PUS7: variants seen among roughly 807,000 people sequenced by gnomAD.
The protein encoded by PUS7 is pseudouridine synthase 7.
A neutral mutation model predicts 79.8 loss-of-function variants in PUS7; 48 were observed. The observed-to-expected ratio is 0.60, with a 90% CI of 0.48 to 0.76. The LOEUF is 0.76. Among genes scored for constraint, PUS7 ranks in the 30% least tolerant of loss-of-function variants. The pLI, the probability that PUS7 is intolerant of heterozygous loss-of-function variation, is 0.00. For missense variants in PUS7, 729 were observed against 797.6 expected (o/e 0.91, Z 1.04); for synonymous variants, 286 against 272.2 (o/e 1.05, Z -0.50).
At chr7:105,470,109 C>T (rs548010237) in intron 11 of PUS7, among the ~76,000 whole-genome samples, 16 of 152,298 alleles carry the variant, frequency 1.1e-4, no homozygotes, top group Non-Finnish European at 1.8e-4. Flanking sequence ...ATTGAACTGA[C>T]AACTAATTCC....
At chr7:105,475,792 C>G (rs818465) in intron 9 of PUS7, among the ~76,000 whole-genome samples, 56,841 of 151,880 alleles carry the variant, frequency 0.37, 12,075 homozygotes, top group African/African-American at 0.59. Flanking sequence ...TCTACCTCCA[C>G]AACTTTTTAA....
At chr7:105,480,950 C>T in intron 9 of PUS7, 102 bp downstream of exon 9, 1 of 1,344,366 alleles carries the variant, frequency 7.4e-7, no homozygotes, top group Non-Finnish European at 1.0e-6. Context: ...TTCATTTGCC[C>T]CAGACATGGG....
chr7:105,475,950 CTTTT>C (rs1159718282), intron 9 of PUS7, among the ~76,000 whole-genome samples: 1 of 151,948 alleles, frequency 6.6e-6, no homozygotes. Context: ...CATATTTGTT[CTTTT>C]GTTACTGGCT....
At chr7:105,506,366 T>C (rs1052653988) in intron 2 of PUS7, 93 bp from the exon 3 acceptor site, 23 of 857,814 alleles carry the variant, frequency 2.7e-5, no homozygotes, top group Non-Finnish European at 3.8e-5. Flanking sequence ...CTTACTATTA[T>C]GCAAAACAAG....
intron 1 of PUS7, among the ~76,000 whole-genome samples, chr7:105,510,713 C>T (rs1448436301): frequency 6.6e-6 from 1 of 152,102 alleles, no homozygotes; most frequent in Non-Finnish European, 1.5e-5. Context: ...CAGGGGTTCA[C>T]CATGTTGGCC....
chr7:105,466,722 C>G (rs1232053474), intron 12 of PUS7, among the ~76,000 whole-genome samples: 1 of 146,472 alleles, frequency 6.8e-6, no homozygotes, highest in Non-Finnish European at 1.5e-5. Context: ...GCAGTGGCAT[C>G]ATAAATGGAT....
At position 105,508,390 on chromosome 7, in the gene PUS7, G is replaced by A; in HGVS notation, c.123C>T (p.Thr41=). 1 of 1,614,094 alleles carries A rather than the reference G, an allele frequency of 6.2e-7. No homozygotes were observed. Among genetic ancestry groups the A allele is most frequent in the South Asian group, 1.1e-5 (1 of 91,078 alleles). Residue 41 remains threonine (T), a synonymous_variant, in exon 2 of 16, where the codon ACC becomes ACT. Transcript: ENST00000469408. The stretch of plus-strand genomic sequence containing the variant: ...CATTCTGTAGCCCATCTTGACCTTT[G>A]GTTAGACTGCATTCCGACAGCTTCT... The part of the protein sequence containing the change: ...KKQKLSECSL[T]KGQDGLQNDF...
chr7:105,494,258 G>A (rs1824911040), intron 6 of PUS7, among the ~76,000 whole-genome samples: 1 of 152,102 alleles, frequency 6.6e-6, no homozygotes, highest in Non-Finnish European at 1.5e-5. Flanking sequence ...ATTTACTTAT[G>A]GAATTTTCAT....
chr7:105,470,934 AT>A, intron 10 of PUS7, 86 bp from the exon 11 acceptor site: 2 of 1,375,712 alleles, frequency 1.5e-6, no homozygotes, highest in Non-Finnish European at 1.9e-6. Flanking sequence ...AGAACACAAA[AT>A]TAGAAAATGC....
intron 1 of PUS7, among the ~76,000 whole-genome samples, chr7:105,517,581 A>G (rs773721813): frequency 6.6e-6 from 1 of 152,218 alleles, no homozygotes; most frequent in Non-Finnish European, 1.5e-5. Context: ...AACCCTTTTC[A>G]TTAAAATACT....
chr7:105,497,821 A>G (rs1194734267), intron 5 of PUS7, among the ~76,000 whole-genome samples: 2 of 152,208 alleles, frequency 1.3e-5, no homozygotes. Context: ...AAAACAACAG[A>G]ATGTTGATAA....
rs1042483995 is a variant in PUS7 at position 105,462,849 on chromosome 7, T to C, written c.1628-99A>G. On this transcript the variant is annotated intron_variant, in intron 13 of 15. Coordinates refer to ENST00000469408, the MANE Select transcript of PUS7 (RefSeq NM_019042.5). Reference sequence around the variant, plus strand: ...AGTAACAATGTAAGTTCAGTTAGACTGCCCTAATAAAATTAGTCACCTTAA... The same window carrying C: ...AGTAACAATGTAAGTTCAGTTAGACCGCCCTAATAAAATTAGTCACCTTAA... 134 of 1,143,896 alleles carry C rather than the reference T, an allele frequency of 1.2e-4. 1 individual carries two copies. The highest frequency in any genetic ancestry group is 3.1e-4 in the Admixed American group (13 of 42,326). The allele number at this position is 1,143,896 out of a possible 1,614,324, so 70.9% of individuals were successfully genotyped here.
chr7:105,473,879 G>A (rs964975686), intron 9 of PUS7, among the ~76,000 whole-genome samples: 3 of 152,124 alleles, frequency 2.0e-5, no homozygotes, highest in African/African-American at 2.4e-5. Flanking sequence ...AAAACTGAAC[G>A]GTACATAAGA....
At chr7:105,487,896 C>T (rs1365384837) in intron 7 of PUS7, among the ~76,000 whole-genome samples, 1 of 152,196 alleles carries the variant, frequency 6.6e-6, no homozygotes, top group Non-Finnish European at 1.5e-5. Context: ...AGACGTGCTG[C>T]TTATCCCCAG....
intron 13 of PUS7, among the ~76,000 whole-genome samples, chr7:105,463,462 T>C (rs1823516052): frequency 6.6e-6 from 1 of 152,170 alleles, no homozygotes; most frequent in African/African-American, 2.4e-5. Flanking sequence ...CTTTAACATT[T>C]CTGTATTTCC....
rs541826914 is a variant in PUS7, at chr7:105,500,849, G to A, written c.730+1571C>T. On this transcript the variant is annotated intron_variant, in intron 5 of 15. Transcript: ENST00000469408. ...CCTTGGCTGAAAAAAGGCTGCTCAGGTGACATTTTATACCATGACCCAGAC... is the reference window on the plus strand; with the variant it reads ...CCTTGGCTGAAAAAAGGCTGCTCAGATGACATTTTATACCATGACCCAGAC... Among the ~76,000 whole-genome samples, 11 of 152,312 alleles carry A rather than the reference G, an allele frequency of 7.2e-5. No homozygotes were observed. The East Asian group carries it at 2.1e-3, about 29-fold the overall frequency.
rs1046612486 is a variant in PUS7, at chr7:105,462,362, G to A, written c.1757+259C>T. 44 of 345,964 alleles carry A rather than the reference G, an allele frequency of 1.3e-4. No homozygotes were observed. In the East Asian group the frequency reaches 2.8e-3, roughly 22 times the overall value. 21.4% of individuals were successfully genotyped at this position (345,964 alleles called of 1,614,324 possible). On this transcript the variant is annotated intron_variant, in intron 14 of 15. Transcript: ENST00000469408. ...CAGGAGAATCGCTTGAACCTGGGAG[G>A]CAGAAGTTGCAGTGAGCCGAGATCA... is the stretch of plus-strand genomic sequence containing the variant.
intron 1 of PUS7, among the ~76,000 whole-genome samples, chr7:105,521,320 T>A (rs1053020637): frequency 1.3e-5 from 2 of 152,236 alleles, no homozygotes; most frequent in Middle Eastern, 3.4e-3. Flanking sequence ...AAAACTAAAC[T>A]CTTTGCCAAC....
chr7:105,458,298 T>C (rs1433586785), intron 15 of PUS7, among the ~76,000 whole-genome samples: 1 of 152,136 alleles, frequency 6.6e-6, no homozygotes, highest in Non-Finnish European at 1.5e-5. Flanking sequence ...TCTTGTTATG[T>C]TGCCCAGACT....
Sources: allele counts gnomAD v4.1 joint callset (sites outside exome capture counted in the v4.1 genomes callset), GRCh38; gene constraint gnomAD v4.1.1; transcripts MANE v1.5; gene names NCBI Gene and HGNC (gene_info 2026-07-23, HGNC 2026-07-21).